PALLD: variants seen among roughly 807,000 people sequenced by gnomAD.
PALLD encodes palladin.
Under a neutral mutation model 123.5 loss-of-function variants are expected in PALLD, and 61 were observed. That is an observed-to-expected ratio of 0.49 (90% CI 0.40 to 0.61). The LOEUF (loss-of-function observed/expected upper bound fraction) is 0.61. PALLD is among the 20% of genes least tolerant of loss of function. The pLI is 0.00. For synonymous variants in PALLD, 465 were observed against 496.4 expected (o/e 0.94, Z 0.84); for missense variants, 1,273 against 1,377.0 (o/e 0.92, Z 1.20).
intron 2 of PALLD, among the ~76,000 whole-genome samples, chr4:168,622,298 G>A (rs556109907): frequency 1.3e-5 from 2 of 152,208 alleles, no homozygotes; most frequent in South Asian, 2.1e-4. Flanking sequence ...CGAATCACGA[G>A]GGTGCTTTTC....
intron 2 of PALLD, among the ~76,000 whole-genome samples, chr4:168,539,666 T>C (rs914191488): frequency 4.6e-5 from 7 of 152,050 alleles, no homozygotes; most frequent in African/African-American, 1.7e-4. Context: ...CAATTTCTTT[T>C]CATAGTTAAT....
intron 2 of PALLD, among the ~76,000 whole-genome samples, chr4:168,573,056 AC>A (rs5863943): frequency 0.66 from 99,108 of 150,660 alleles, 32,722 homozygotes; most frequent in East Asian, 0.91. Context: ...CTCATCTACC[AC>A]TCTTCTCCCC....
At chr4:168,902,462 T>A (rs1047313080) in intron 14 of PALLD, among the ~76,000 whole-genome samples, 2 of 152,148 alleles carry the variant, frequency 1.3e-5, no homozygotes, top group Non-Finnish European at 2.9e-5. Flanking sequence ...AACTGTGTTG[T>A]TCATAACTTA....
At chr4:168,584,220 T>G (rs1770583824) in intron 2 of PALLD, among the ~76,000 whole-genome samples, 1 of 151,984 alleles carries the variant, frequency 6.6e-6, no homozygotes, top group Non-Finnish European at 1.5e-5. Context: ...ATCAGGTTTT[T>G]TTTTTTTTTA....
At chr4:168,891,196 T>A in intron 11 of PALLD, 139 bp downstream of exon 11, 1 of 922,626 alleles carries the variant, frequency 1.1e-6, no homozygotes, top group Non-Finnish European at 1.7e-6. Context: ...AGGGTCACAC[T>A]TTGTCACCCA....
chr4:168,685,180 C>T (rs762396898), intron 5 of PALLD, among the ~76,000 whole-genome samples: 18 of 152,126 alleles, frequency 1.2e-4, no homozygotes, highest in Admixed American at 7.2e-4. Flanking sequence ...TTAAAAAAGA[C>T]GCATGTGGAA....
At chr4:168,575,824 C>G (rs1273912001) in intron 2 of PALLD, among the ~76,000 whole-genome samples, 1 of 152,016 alleles carries the variant, frequency 6.6e-6, no homozygotes, top group African/African-American at 2.4e-5. Flanking sequence ...GCCTGGGGAC[C>G]ACTGTTGAAA....
chr4:168,611,527 C>T (rs965620580), intron 2 of PALLD, among the ~76,000 whole-genome samples: 25 of 152,136 alleles, frequency 1.6e-4, no homozygotes, highest in African/African-American at 5.6e-4. Context: ...ACCTACAGAT[C>T]GTATCAACTC....
At chr4:168,505,199 T>G (rs1761885860) in intron 1 of PALLD, among the ~76,000 whole-genome samples, 1 of 152,204 alleles carries the variant, frequency 6.6e-6, no homozygotes, top group African/African-American at 2.4e-5. Flanking sequence ...GGCTTGCAAA[T>G]TAAGCCTGAA....
intron 2 of PALLD, among the ~76,000 whole-genome samples, chr4:168,623,720 G>A (rs1279949004): frequency 2.0e-5 from 3 of 152,228 alleles, no homozygotes; most frequent in African/African-American, 4.8e-5. Context: ...ACTCTCAGGT[G>A]AAGTGTAATT....
intron 14 of PALLD, 115 bp downstream of exon 14, chr4:168,898,829 G>A (rs1755828161): frequency 1.1e-5 from 8 of 761,442 alleles, no homozygotes; most frequent in South Asian, 7.4e-5. Flanking sequence ...CAATACCCAC[G>A]ATATAAAGGG....
Position 168,905,790 on chromosome 4 carries a change from CTTTTTTTT to C in PALLD, c.2622+1897_2622+1904del, listed in dbSNP as rs59427697. 1.8e-4 allele frequency among the ~76,000 whole-genome samples: 20 copies of C among 113,096 alleles called. 1 individual carries two copies. The highest frequency in any genetic ancestry group is 3.0e-4 in the South Asian group (1 of 3,286). The allele number at this position is 113,096 out of a possible 152,430, so 74.2% of individuals were successfully genotyped here. On this transcript the variant is annotated intron_variant, in intron 15 of 21. Transcript: ENST00000505667. ...ACAAAAGCGGAACTTGCTTTTTTTTCTTTTTTTTTTTTTTTTTTTTCTTTTTTGAGACG... is the reference window on the plus strand; with the variant it reads ...ACAAAAGCGGAACTTGCTTTTTTTTCTTTTTTTTTTTTCTTTTTTGAGACG...
intron 10 of PALLD, among the ~76,000 whole-genome samples, chr4:168,837,706 T>G (rs1219500389): frequency 6.6e-6 from 1 of 152,204 alleles, no homozygotes; most frequent in Non-Finnish European, 1.5e-5. Flanking sequence ...GGGTAAGTAA[T>G]TTGTCAAGAT....
rs191410374 is a variant in PALLD at position 168,843,313 on chromosome 4, C to T, written c.1965-47609C>T. 2.6e-5 allele frequency among the ~76,000 whole-genome samples: 4 copies of T among 152,244 alleles called. No individual in the cohort carries two copies. In the East Asian group the frequency reaches 7.7e-4, roughly 29 times the overall value. On this transcript the variant is annotated intron_variant, in intron 10 of 21. Transcript: ENST00000505667. ...AAAGTTTGGCTTGCAAAATCACAGG[C>T]TCCACCTGGTCAGCGCTTATCTTCC...
intron 1 of PALLD, among the ~76,000 whole-genome samples, chr4:168,510,544 T>C (rs1762437373): frequency 6.6e-6 from 1 of 152,222 alleles, no homozygotes; most frequent in African/African-American, 2.4e-5. Flanking sequence ...GGATGAAGGG[T>C]CAGCAAATTT....
intron 5 of PALLD, among the ~76,000 whole-genome samples, chr4:168,685,149 A>G (rs1158424490): frequency 6.6e-6 from 1 of 152,234 alleles, no homozygotes; most frequent in Admixed American, 6.5e-5. Flanking sequence ...TTAAAAATAA[A>G]ATACATTGTC....
intron 2 of PALLD, among the ~76,000 whole-genome samples, chr4:168,555,511 G>A (rs765006079): frequency 1.3e-5 from 2 of 152,102 alleles, no homozygotes; most frequent in Non-Finnish European, 2.9e-5. Flanking sequence ...CTGCTCCCTG[G>A]GTTCTATCCA....
intron 10 of PALLD, 35 bp from the exon 11 acceptor site, chr4:168,890,887 A>C: frequency 6.2e-7 from 1 of 1,612,930 alleles, no homozygotes; most frequent in Non-Finnish European, 8.5e-7. Context: ...TATGCCTGAC[A>C]ACTAACTATA....
At chr4:168,889,227 G>A (rs538590230) in intron 10 of PALLD, among the ~76,000 whole-genome samples, 19 of 149,624 alleles carry the variant, frequency 1.3e-4, no homozygotes, top group African/African-American at 3.7e-4. Context: ...GCAGTGGTGC[G>A]ACCTCGGCTC....
Sources: gnomAD v4.1 joint callset for allele counts (sites outside exome capture counted in the v4.1 genomes callset) on GRCh38, gnomAD v4.1.1 for gene constraint, MANE v1.5 for transcripts, NCBI Gene and HGNC (gene_info 2026-07-23, HGNC 2026-07-21) for gene names.